ZC3HAV1: variants seen among roughly 807,000 people sequenced by gnomAD.
ZC3HAV1 encodes zinc finger CCCH-type antiviral protein 1.
Under a neutral mutation model 86.6 loss-of-function variants are expected in ZC3HAV1, and 41 were observed. That is an observed-to-expected ratio of 0.47 (90% CI 0.37 to 0.61). ZC3HAV1 has a LOEUF of 0.61. ZC3HAV1 is among the 20% of genes least tolerant of loss of function. The probability of loss-of-function intolerance (pLI) is 0.00; values close to 1 mark genes in which losing one functional copy is unlikely to be tolerated. For synonymous variants in ZC3HAV1, 421 were observed against 432.1 expected (o/e 0.97, Z 0.32); for missense variants, 964 against 1,141.1 (o/e 0.84, Z 2.24).
Position 139,109,113 on chromosome 7 carries a change from G to A in ZC3HAV1, c.219C>T (p.Cys73=). 6.3e-7 allele frequency: 1 copy of A among 1,591,340 alleles called. No individual in the cohort carries two copies. The highest frequency in any genetic ancestry group is 8.6e-7 in the Non-Finnish European group (1 of 1,168,636). The change falls in exon 1 of 13, where the codon TGC becomes TGT. Residue 73 remains cysteine (C), a synonymous_variant. Transcript: ENST00000242351. Reference sequence around the variant, plus strand: ...AGGGTCTCTGGCAGTACTTGCGACGGCAGACCCGGGCTCGAGTGGTGGCCA... The same window carrying A: ...AGGGTCTCTGGCAGTACTTGCGACGACAGACCCGGGCTCGAGTGGTGGCCA... ...SVVATTRARV[C]RRKYCQRPCD...
Position 139,055,220 on chromosome 7 carries a change from G to C in ZC3HAV1, c.2172C>G (p.Ser724=). The C allele has an allele frequency of 1.2e-6, 2 of 1,612,892 alleles. No homozygotes were observed. The highest frequency in any genetic ancestry group is 2.7e-5 in the African/African-American group (2 of 75,020). ...FRPQEDFCFL[S]SKKYKLSEIH... Reference sequence around the variant, plus strand: ...AACCAAGTACCTTATATTTCTTTGAGGATAGGAAGCAAAAGTCCTCCTGAG... The same window carrying C: ...AACCAAGTACCTTATATTTCTTTGACGATAGGAAGCAAAAGTCCTCCTGAG... The change falls in exon 10 of 13, where the codon TCC becomes TCG. Residue 724 remains serine (S), a synonymous_variant. Transcript: ENST00000242351.
intron 1 of ZC3HAV1, among the ~76,000 whole-genome samples, chr7:139,099,509 G>A (rs1383122522): frequency 6.6e-6 from 1 of 152,182 alleles, no homozygotes; most frequent in East Asian, 1.9e-4. Context: ...CAAAAAGTAG[G>A]TTAGAGATCG....
chr7:139,057,311 TCACAC>T (rs71169075), intron 9 of ZC3HAV1, among the ~76,000 whole-genome samples: 77,719 of 151,210 alleles, frequency 0.51, 20,446 homozygotes, highest in East Asian at 0.67. Context: ...TGAGCCATGA[TCACAC>T]CACTGCACTC....
rs530800047 is a variant in ZC3HAV1 at position 139,101,188 on chromosome 7, A to C, written c.308+7836T>G. On this transcript the variant is annotated intron_variant, in intron 1 of 12. Coordinates refer to ENST00000242351, the MANE Select transcript of ZC3HAV1 (RefSeq NM_020119.4). Reference sequence around the variant, plus strand: ...GGAGTGCAGTGGTGTGATCTCGGCTAGCTACAACCTCCACCTCCCAGCCGC... The same window carrying C: ...GGAGTGCAGTGGTGTGATCTCGGCTCGCTACAACCTCCACCTCCCAGCCGC... Among the ~76,000 whole-genome samples the C allele has an allele frequency of 5.2e-3, 783 of 151,826 alleles. 7 individuals carry two copies. Among genetic ancestry groups the C allele is most frequent in the African/African-American group, 0.018 (742 of 41,452 alleles).
chr7:139,053,456 C>T lies in ZC3HAV1; in HGVS notation c.2444G>A (p.Gly815Glu). The T allele has an allele frequency of 6.3e-7, 1 of 1,590,122 alleles. No individual in the cohort carries two copies. Among genetic ancestry groups the T allele is most frequent in the Non-Finnish European group, 8.5e-7 (1 of 1,170,158 alleles). The change falls in exon 12 of 13, where the codon GGA becomes GAA. Residue 815 changes from glycine (G) to glutamate (E), a missense_variant. Gly to Glu is a moderately conservative substitution (Grantham distance 98). Coordinates refer to ENST00000242351, the MANE Select transcript of ZC3HAV1 (RefSeq NM_020119.4). ...FLHETHENKY[G>E]KGIYFAKDAI... ...TTCTCTATCCCGGCACTAACCTTTT[C>T]CGTATTTGTTTTCATGAGTTTCATG...
At chr7:139,063,136 A>T (rs1475845968) in intron 8 of ZC3HAV1, among the ~76,000 whole-genome samples, 2 of 151,996 alleles carry the variant, frequency 1.3e-5, no homozygotes, top group Non-Finnish European at 2.9e-5. Context: ...GGTTTCTATG[A>T]ACCAAACAAA....
In ZC3HAV1 at chr7:139,091,324, A is replaced by C. The variant is rs141555119; in HGVS notation, c.309-1565T>G. Among the ~76,000 whole-genome samples, 3 of 152,204 alleles carry C rather than the reference A, an allele frequency of 2.0e-5. No individual in the cohort carries two copies. The East Asian group carries it at 5.8e-4, about 30-fold the overall frequency. ...ACGTCCTGGCTAACACTGTGAAACCACGTGTCTACTAAAAATAGCTGTGGT... is the reference window on the plus strand; with the variant it reads ...ACGTCCTGGCTAACACTGTGAAACCCCGTGTCTACTAAAAATAGCTGTGGT... On this transcript the variant is annotated intron_variant, in intron 1 of 12. Coordinates refer to ENST00000242351, the MANE Select transcript of ZC3HAV1 (RefSeq NM_020119.4).
intron 8 of ZC3HAV1, among the ~76,000 whole-genome samples, chr7:139,064,552 G>A (rs1415709697): frequency 6.6e-6 from 1 of 152,124 alleles, no homozygotes; most frequent in Non-Finnish European, 1.5e-5. Flanking sequence ...CCTCTCCCTG[G>A]GCAGCTGCCC....
intron 1 of ZC3HAV1, among the ~76,000 whole-genome samples, chr7:139,098,997 G>C (rs1208438239): frequency 6.6e-6 from 1 of 152,150 alleles, no homozygotes; most frequent in Non-Finnish European, 1.5e-5. Context: ...TATTTTAAAT[G>C]TGTAATTTTG....
At chr7:139,076,611 G>A (rs1179983209) in intron 5 of ZC3HAV1, among the ~76,000 whole-genome samples, 3 of 152,136 alleles carry the variant, frequency 2.0e-5, no homozygotes, top group Non-Finnish European at 4.4e-5. Context: ...AAAAATTCAG[G>A]CAGAGTGTGG....
Position 139,076,321 on chromosome 7 carries a change from C to A in ZC3HAV1, c.1662G>T (p.Thr554=), listed in dbSNP as rs145390445. The change falls in exon 6 of 13, where the codon ACG becomes ACT. Residue 554 remains threonine (T), a synonymous_variant. Transcript: ENST00000242351. ...KTWTDFEHME[T]IEKGYCNPGI... The stretch of plus-strand genomic sequence containing the variant: ...CGGGGTTACAGTAGCCTTTCTCGAT[C>A]GTCTCCATGTGCTCAAAGTCCGTCC... The A allele has an allele frequency of 2.5e-6, 4 of 1,614,030 alleles. No individual in the cohort carries two copies. The highest frequency in any genetic ancestry group is 2.2e-5 in the East Asian group (1 of 44,904).
chr7:139,059,908 G>A (rs1004456304), intron 9 of ZC3HAV1, among the ~76,000 whole-genome samples: 3 of 152,176 alleles, frequency 2.0e-5, no homozygotes, highest in Non-Finnish European at 4.4e-5. Context: ...CAACCGTGAG[G>A]AAGGTATTAT....
At chr7:139,050,510 G>A (rs2130660424) in intron 12 of ZC3HAV1, among the ~76,000 whole-genome samples, 1 of 152,212 alleles carries the variant, frequency 6.6e-6, no homozygotes, top group Middle Eastern at 3.4e-3. Context: ...TAGGACTACA[G>A]GCATGTGCCA....
chr7:139,057,058 A>G (rs1278137806), intron 9 of ZC3HAV1, among the ~76,000 whole-genome samples: 1 of 152,152 alleles, frequency 6.6e-6, no homozygotes, highest in Non-Finnish European at 1.5e-5. Context: ...AGCAAAAGAA[A>G]AAAAGTTAGG....
At chr7:139,058,235 A>C (rs17133451) in intron 9 of ZC3HAV1, among the ~76,000 whole-genome samples, 28,035 of 147,256 alleles carry the variant, frequency 0.19, 2,867 homozygotes, top group East Asian at 0.31. Context: ...TGTGCCATGC[A>C]TTATACAAAC....
At chr7:139,060,372 C>T (rs1816407791) in intron 9 of ZC3HAV1, 1 of 986,758 alleles carries the variant, frequency 1.0e-6, no homozygotes, top group Non-Finnish European at 1.2e-6. Flanking sequence ...CTGAGCAGTT[C>T]ACAAGGAGAG....
At chr7:139,073,754 G>A (rs1816849605) in intron 7 of ZC3HAV1, 102 bp downstream of exon 7, 1 of 1,241,110 alleles carries the variant, frequency 8.1e-7, no homozygotes, top group South Asian at 1.6e-5. Flanking sequence ...GCCTCCCAAA[G>A]TGCTGGGCTT....
intron 4 of ZC3HAV1, among the ~76,000 whole-genome samples, 185 bp from the exon 5 acceptor site, chr7:139,078,838 A>C (rs781204814): frequency 2.0e-5 from 3 of 152,214 alleles, no homozygotes; most frequent in South Asian, 2.1e-4. Flanking sequence ...TGGACCTCAG[A>C]GTCCTGTGAA....
intron 7 of ZC3HAV1, among the ~76,000 whole-genome samples, chr7:139,071,732 A>G (rs1816778468): frequency 6.6e-6 from 1 of 152,162 alleles, no homozygotes; most frequent in East Asian, 1.9e-4. Flanking sequence ...AAGAGCAACA[A>G]GGAGGGGTCC....
Sources: gnomAD v4.1 joint callset for allele counts (sites outside exome capture counted in the v4.1 genomes callset) on GRCh38, gnomAD v4.1.1 for gene constraint, MANE v1.5 for transcripts, NCBI Gene and HGNC (gene_info 2026-07-23, HGNC 2026-07-21) for gene names.